Variants in STXBP6 observed in about 807,000 individuals in gnomAD.
STXBP6 encodes syntaxin-binding protein 6.
A neutral mutation model predicts 26.9 loss-of-function variants in STXBP6; 21 were observed. The ratio of observed to expected loss-of-function variants is 0.78; its 90% CI spans 0.55 to 1.12. The LOEUF (loss-of-function observed/expected upper bound fraction) is 1.12. Ranked by LOEUF, STXBP6 falls within the 50% of genes most tolerant of loss-of-function variation. The probability of loss-of-function intolerance (pLI) is 0.00; values close to 1 mark genes in which losing one functional copy is unlikely to be tolerated. For missense variants in STXBP6, 232 were observed against 257.9 expected, an observed-to-expected ratio of 0.90 and a Z score of 0.69; for synonymous variants, 97 against 92.6, an observed-to-expected ratio of 1.05 and a Z score of -0.27.
chr14:25,033,829 C>T (rs961223328), intron 1 of STXBP6, among the ~76,000 whole-genome samples: 2 of 152,162 alleles, frequency 1.3e-5, no homozygotes, highest in Non-Finnish European at 2.9e-5. Context: ...ATTTTGCTCA[C>T]CATGAAAATC....
At chr14:24,974,566 A>T in intron 2 of STXBP6, 99 bp downstream of exon 2, 1 of 1,086,754 alleles carries the variant, frequency 9.2e-7, no homozygotes, top group Non-Finnish European at 1.3e-6. Context: ...CAGTGCAGAC[A>T]CCTACAAAAC....
chr14:24,853,383 G>T (rs770669437), intron 4 of STXBP6, among the ~76,000 whole-genome samples: 1 of 152,102 alleles, frequency 6.6e-6, no homozygotes, highest in Non-Finnish European at 1.5e-5. Context: ...TTTAAGACAT[G>T]CTGCATTCAC....
intron 1 of STXBP6, among the ~76,000 whole-genome samples, chr14:25,019,943 C>A (rs1062230): frequency 1.4e-5 from 2 of 148,112 alleles, no homozygotes; most frequent in Admixed American, 1.4e-4. Context: ...TTCTGTCCAA[C>A]GATTTGCCAT....
intron 2 of STXBP6, among the ~76,000 whole-genome samples, chr14:24,962,405 C>T (rs1382527374): frequency 1.3e-5 from 2 of 151,748 alleles, no homozygotes; most frequent in Non-Finnish European, 1.5e-5. Flanking sequence ...TCTGTGCTCA[C>T]GGCAACGTCT....
rs117051085 is a variant in STXBP6 at position 24,821,118 on chromosome 14, T to C, written c.452-1924A>G. Among the ~76,000 whole-genome samples the C allele has an allele frequency of 9.0e-3, 1,376 of 152,056 alleles. 10 individuals are homozygous for C. Among genetic ancestry groups the C allele is most frequent in the Non-Finnish European group, 0.013 (851 of 67,972 alleles). On this transcript the variant is annotated intron_variant, in intron 4 of 5. Transcript: ENST00000323944. ...GAAGATGGGGAAGGGCGCAGAGGAG[T>C]TGGGAGAGGGCACAAGAAAATCTCC...
intron 2 of STXBP6, among the ~76,000 whole-genome samples, chr14:24,964,147 C>T (rs1450549437): frequency 6.6e-6 from 1 of 151,998 alleles, no homozygotes; most frequent in Non-Finnish European, 1.5e-5. Flanking sequence ...TTCATTTGTT[C>T]CACAAGGATG....
At chr14:24,844,758 G>A (rs1241650) in intron 4 of STXBP6, among the ~76,000 whole-genome samples, 11,883 of 152,172 alleles carry the variant, frequency 0.078, 567 homozygotes, top group East Asian at 0.21. Context: ...ACTTTTAAAT[G>A]TATATTGAAT....
chr14:24,925,234 G>A (rs1316609039), intron 2 of STXBP6, among the ~76,000 whole-genome samples: 3 of 152,162 alleles, frequency 2.0e-5, no homozygotes, highest in Non-Finnish European at 4.4e-5. Context: ...GCTCTTGACA[G>A]TCCTTCTACT....
At chr14:24,882,268 A>G (rs938910429) in intron 2 of STXBP6, among the ~76,000 whole-genome samples, 2 of 147,644 alleles carry the variant, frequency 1.4e-5, no homozygotes, top group Admixed American at 6.8e-5. Flanking sequence ...AGTCCCAGCT[A>G]CTTGGGAGGC....
chr14:24,822,845 A>T (rs2068176245), intron 4 of STXBP6, among the ~76,000 whole-genome samples: 1 of 152,222 alleles, frequency 6.6e-6, no homozygotes, highest in Non-Finnish European at 1.5e-5. Flanking sequence ...TATGTAGCAC[A>T]GCATGTTGCT....
At chr14:25,010,492 T>C (rs1049100066) in intron 1 of STXBP6, 1 of 152,268 alleles carries the variant, frequency 6.6e-6, no homozygotes, top group Non-Finnish European at 1.5e-5. Flanking sequence ...ATGTTTTGTA[T>C]TTAAAATATG....
chr14:24,905,167 T>C (rs544202165), intron 2 of STXBP6, among the ~76,000 whole-genome samples: 1 of 152,296 alleles, frequency 6.6e-6, no homozygotes, highest in African/African-American at 2.4e-5. Context: ...CCATCTCAAA[T>C]AGGATTCATT....
At chr14:24,961,611 G>C (rs11628502) in intron 2 of STXBP6, among the ~76,000 whole-genome samples, 3 of 151,870 alleles carry the variant, frequency 2.0e-5, no homozygotes, top group Non-Finnish European at 4.4e-5. Context: ...CATGGACATA[G>C]AGATGGAAAT....
rs112411293 is a variant in STXBP6 at position 25,046,162 on chromosome 14, T to C, written c.-33+3716A>G. Among the ~76,000 whole-genome samples the C allele has an allele frequency of 4.5e-3, 684 of 152,330 alleles. 7 individuals are homozygous for C. Among genetic ancestry groups the C allele is most frequent in the African/African-American group, 0.015 (640 of 41,584 alleles). On this transcript the variant is annotated intron_variant, in intron 1 of 5. Transcript: ENST00000323944. The stretch of plus-strand genomic sequence containing the variant: ...TATTAAAGGGAGCAAAGATACCATG[T>C]ACTGAGAAAAGTGAACAACAGTGAT...
intron 2 of STXBP6, among the ~76,000 whole-genome samples, chr14:24,958,193 T>A (rs1178353023): frequency 6.6e-6 from 1 of 152,188 alleles, no homozygotes; most frequent in African/African-American, 2.4e-5. Flanking sequence ...AATATTTCAA[T>A]ACAAATCTCT....
intron 1 of STXBP6, among the ~76,000 whole-genome samples, chr14:25,044,841 C>A (rs1484663747): frequency 6.6e-6 from 1 of 152,178 alleles, no homozygotes; most frequent in Non-Finnish European, 1.5e-5. Flanking sequence ...TATATGCAGG[C>A]ACAAATGCAA....
At position 25,049,307 on chromosome 14, in the gene STXBP6, C is replaced by G. The variant is rs2075770036; in HGVS notation, c.-33+571G>C. On this transcript the variant is annotated intron_variant, in intron 1 of 5. Coordinates refer to ENST00000323944, the MANE Select transcript of STXBP6 (RefSeq NM_001394410.1). The surrounding 1 kb of genome is among the most constrained non-coding windows in gnomAD (Gnocchi z 5.6). ...TGGCGCCCTTGACCAAGCCTGAGAT[C>G]GGAAAGGGGGCATCGCCCAGGGCCA... is the stretch of plus-strand genomic sequence containing the variant. 1 of 985,310 alleles carries G rather than the reference C, an allele frequency of 1.0e-6. No homozygotes were observed. Among genetic ancestry groups the G allele is most frequent in the Admixed American group, 6.2e-5 (1 of 16,260 alleles). The allele number at this position is 985,310 out of a possible 1,614,324, so 61.0% of individuals were successfully genotyped here. A position where few individuals can be genotyped will look rare whatever the true frequency, so the allele number is the denominator to read the frequency against.
Sources: gnomAD v4.1 joint callset for allele counts (sites outside exome capture counted in the v4.1 genomes callset) on GRCh38, gnomAD v4.1.1 for gene constraint, Gnocchi (gnomAD v3.1) non-coding constraint, MANE v1.5 for transcripts, NCBI Gene and HGNC (gene_info 2026-07-23, HGNC 2026-07-21) for gene names.